SLC30A7: variants seen among roughly 807,000 people sequenced by gnomAD.
SLC30A7 encodes solute carrier family 30 member 7, also known as zinc transporter 7.
SLC30A7 carries 35 observed loss-of-function variants against 46.0 expected under a neutral mutation model. That is an observed-to-expected ratio of 0.76 (90% CI 0.58 to 1.01). SLC30A7 has a LOEUF of 1.01. SLC30A7 is among the 50% of genes least tolerant of loss of function. SLC30A7 has a pLI of 0.00. For synonymous variants in SLC30A7, 147 were observed against 157.8 expected (o/e 0.93, Z 0.51); for missense variants, 464 against 451.1 (o/e 1.03, Z -0.26).
chr1:100,976,764 T>G lies in SLC30A7; in HGVS notation c.*1907T>G, dbSNP rs1656543780. 1.3e-5 allele frequency: 2 copies of G among 152,596 alleles called. No homozygotes were observed. The highest frequency in any genetic ancestry group is 4.8e-5 in the African/African-American group (2 of 41,432). 9.5% of individuals were successfully genotyped at this position (152,596 alleles called of 1,614,324 possible). ...CCTACAACTATAAACTACTCTCTAT[T>G]AGGAGAACTAGACCACTTTCTTCAT... On this transcript the variant is annotated 3_prime_UTR_variant, in exon 11 of 11. Coordinates refer to ENST00000357650, the MANE Select transcript of SLC30A7 (RefSeq NM_133496.5).
In SLC30A7 at chr1:100,977,352, A is replaced by G. The variant is rs1656591080; in HGVS notation, c.*2495A>G. The G allele has an allele frequency of 6.6e-6, 1 of 152,224 alleles. No individual in the cohort carries two copies. The highest frequency in any genetic ancestry group is 1.5e-5 in the Non-Finnish European group (1 of 68,038). 9.4% of individuals were successfully genotyped at this position (152,224 alleles called of 1,614,324 possible). ...TTACATTACATTGCCAGCGCATATC[A>G]TTTAGCAAGTTGGCATTAACATTTA... On this transcript the variant is annotated 3_prime_UTR_variant, in exon 11 of 11. Coordinates refer to ENST00000357650, the MANE Select transcript of SLC30A7 (RefSeq NM_133496.5).
intron 8 of SLC30A7, among the ~76,000 whole-genome samples, chr1:100,957,509 C>T (rs1474460279): frequency 2.6e-5 from 4 of 151,976 alleles, no homozygotes; most frequent in Non-Finnish European, 4.4e-5. Context: ...AAGAAATTGC[C>T]TGGATGTTTA....
At chr1:100,960,852 CA>C (rs1211445097) in intron 8 of SLC30A7, among the ~76,000 whole-genome samples, 1 of 148,258 alleles carries the variant, frequency 6.7e-6, no homozygotes, top group Non-Finnish European at 1.5e-5. Flanking sequence ...GAAGTGAAAA[CA>C]AAATAAAACT....
At position 100,965,691 on chromosome 1, in the gene SLC30A7, GAT is replaced by G. The variant is rs1655818255; in HGVS notation, c.934-75_934-74del. On this transcript the variant is annotated intron_variant, in intron 9 of 10. Coordinates refer to ENST00000357650, the MANE Select transcript of SLC30A7 (RefSeq NM_133496.5). ...ATGGACGATAGAATCCATGTTTACTGATATGTTGCATAATAACTTAAGTAAAA... is the reference window on the plus strand; with the variant it reads ...ATGGACGATAGAATCCATGTTTACTGATGTTGCATAATAACTTAAGTAAAA... 3 of 1,158,788 alleles carry G rather than the reference GAT, an allele frequency of 2.6e-6. No homozygotes were observed. In the African/African-American group the frequency reaches 4.6e-5, roughly 18 times the overall value. The allele number at this position is 1,158,788 out of a possible 1,614,324, so 71.8% of individuals were successfully genotyped here.
At chr1:100,896,873 A>G (rs1368481486) in intron 2 of SLC30A7, among the ~76,000 whole-genome samples, 2 of 151,678 alleles carry the variant, frequency 1.3e-5, no homozygotes, top group East Asian at 3.9e-4. Context: ...ATCCTGTGCA[A>G]CCTCTCTTGT....
Position 100,930,223 on chromosome 1 carries a change from A to G in SLC30A7, c.842+8382A>G, listed in dbSNP as rs778937326. Among the ~76,000 whole-genome samples, 10 of 152,090 alleles carry G rather than the reference A, an allele frequency of 6.6e-5. No individual in the cohort carries two copies. The East Asian group carries it at 1.9e-3, about 29-fold the overall frequency. On this transcript the variant is annotated intron_variant, in intron 8 of 10. Transcript: ENST00000357650. ...TGGTGCTTTGTACTTTTATATACAT[A>G]TATATATACATACCACAAAATCATT...
chr1:100,995,250 C>T, the SLC30A7 span: 6 of 672,704 alleles, frequency 8.9e-6, no homozygotes, highest in South Asian at 1.1e-4. Context: ...TGGGGAAACA[C>T]TCTTCCCTCA....
intron 5 of SLC30A7, 108 bp downstream of exon 5, chr1:100,912,346 CTA>C: frequency 2.4e-6 from 3 of 1,230,610 alleles, no homozygotes; most frequent in Non-Finnish European, 3.5e-6. Context: ...TGTCAACAGA[CTA>C]TGTGAATATC....
At chr1:100,991,745 C>T in the SLC30A7 span, among the ~76,000 whole-genome samples, 1 of 145,148 alleles carries the variant, frequency 6.9e-6, no homozygotes, top group African/African-American at 2.6e-5. Context: ...GCCATGATTG[C>T]ACCACTGCAC....
Position 100,964,282 on chromosome 1 carries a change from C to CCT in SLC30A7, c.934-1487_934-1486insCT, listed in dbSNP as rs1553242346. Reference sequence around the variant, plus strand: ...ACAATATATGTTATATAACCTATAACATATATGTTATATAACTTATGTAAC... The same window carrying CCT: ...ACAATATATGTTATATAACCTATAACCTATATATGTTATATAACTTATGTAAC... On this transcript the variant is annotated intron_variant, in intron 9 of 10. Transcript: ENST00000357650. Among the ~76,000 whole-genome samples, 926 of 101,276 alleles carry CCT rather than the reference C, an allele frequency of 9.1e-3. 25 individuals carry two copies. Among genetic ancestry groups the CCT allele is most frequent in the African/African-American group, 0.025 (761 of 30,032 alleles). 66.4% of individuals were successfully genotyped at this position (101,276 alleles called of 152,430 possible). A position where few individuals can be genotyped will look rare whatever the true frequency, so the allele number is the denominator to read the frequency against.
chr1:100,911,171 A>T, intron 4 of SLC30A7, 21 bp downstream of exon 4: 1 of 1,478,842 alleles, frequency 6.8e-7, no homozygotes, highest in East Asian at 2.3e-5. Flanking sequence ...TAATTATTAA[A>T]GTCAGTAAAT....
chr1:100,995,045 G>A, the SLC30A7 span: 5 of 1,154,234 alleles, frequency 4.3e-6, no homozygotes, highest in Non-Finnish European at 5.2e-6. Flanking sequence ...GGTCATTTAA[G>A]TAGAATGTAT....
intron 8 of SLC30A7, among the ~76,000 whole-genome samples, chr1:100,936,628 T>C (rs1213627012): frequency 2.6e-5 from 4 of 152,226 alleles, no homozygotes; most frequent in African/African-American, 7.2e-5. Context: ...CACTGTTAAG[T>C]ATACAGTTCA....
At chr1:100,907,003 T>C in intron 3 of SLC30A7, 38 bp downstream of exon 3, 6 of 1,310,942 alleles carry the variant, frequency 4.6e-6, no homozygotes, top group Non-Finnish European at 6.6e-6. Context: ...TATTGAAGTA[T>C]AAGATATACA....
intron 2 of SLC30A7, among the ~76,000 whole-genome samples, chr1:100,898,686 T>C (rs1252447869): frequency 6.6e-6 from 1 of 152,224 alleles, no homozygotes; most frequent in Non-Finnish European, 1.5e-5. Flanking sequence ...AATCTGGCTT[T>C]CTGTGTTTTA....
chr1:100,897,033 G>C (rs888564082), intron 2 of SLC30A7, among the ~76,000 whole-genome samples: 1 of 151,942 alleles, frequency 6.6e-6, no homozygotes, highest in Non-Finnish European at 1.5e-5. Flanking sequence ...TCTCGGGGGG[G>C]AGTGGCATTT....
chr1:100,899,330 G>A (rs915531447), intron 2 of SLC30A7, among the ~76,000 whole-genome samples: 24 of 152,110 alleles, frequency 1.6e-4, no homozygotes, highest in African/African-American at 5.6e-4. Flanking sequence ...ACCCCGTTAA[G>A]GAAAAACAGC....
chr1:100,912,716 A>G (rs1269796331), intron 5 of SLC30A7, among the ~76,000 whole-genome samples: 1 of 151,250 alleles, frequency 6.6e-6, no homozygotes, highest in African/African-American at 2.4e-5. Context: ...CTCCATCTCA[A>G]AAAAAAAACA....
chr1:100,927,566 A>C (rs1653388691), intron 8 of SLC30A7, among the ~76,000 whole-genome samples: 2 of 152,220 alleles, frequency 1.3e-5, no homozygotes, highest in Non-Finnish European at 2.9e-5. Context: ...GCCTGGCAGC[A>C]CAGAGGGCCC....
Sources: gnomAD v4.1 joint callset for allele counts (sites outside exome capture counted in the v4.1 genomes callset) on GRCh38, gnomAD v4.1.1 for gene constraint, MANE v1.5 for transcripts, NCBI Gene and HGNC (gene_info 2026-07-23, HGNC 2026-07-21) for gene names.